Variants in BCAS1 observed in about 807,000 individuals in gnomAD.
BCAS1 encodes the protein breast carcinoma-amplified sequence 1.
BCAS1 carries 46 observed loss-of-function variants against 65.4 expected under a neutral mutation model. That is an observed-to-expected ratio of 0.70 (90% CI 0.55 to 0.90). BCAS1 has a LOEUF of 0.90. Ranked by LOEUF, BCAS1 falls within the 40% of genes least tolerant of loss-of-function variation. BCAS1 has a pLI of 0.00. For synonymous variants in BCAS1, 298 were observed against 293.5 expected (o/e 1.02, Z -0.16); for missense variants, 793 against 771.2 (o/e 1.03, Z -0.33).
chr20:53,975,370 C>T lies in BCAS1; in HGVS notation c.1317+19G>A, dbSNP rs769933562. Reference sequence around the variant, plus strand: ...GAAGATGAGAATGGAATGATTCTGCCGTGGTGTGTGTAACTTACATTCTCC... The same window carrying T: ...GAAGATGAGAATGGAATGATTCTGCTGTGGTGTGTGTAACTTACATTCTCC... On this transcript the variant is annotated intron_variant, in intron 9 of 12. Transcript: ENST00000688948. 99 of 1,605,906 alleles carry T rather than the reference C, an allele frequency of 6.2e-5. 1 individual carries two copies. The South Asian group carries it at 9.1e-4, about 15-fold the overall frequency.
intron 3 of BCAS1, among the ~76,000 whole-genome samples, chr20:54,047,891 T>C (rs528741454): frequency 2.0e-5 from 3 of 152,318 alleles, no homozygotes; most frequent in East Asian, 3.9e-4. Context: ...GTATGCCCTA[T>C]GTAAATGAAG....
chr20:53,957,311 T>C (rs1352665671), intron 11 of BCAS1, 121 bp downstream of exon 11: 4 of 858,536 alleles, frequency 4.7e-6, no homozygotes, highest in Non-Finnish European at 1.9e-6. Context: ...ATATAGTAGG[T>C]GCTTAATCCT....
At chr20:54,014,788 C>T (rs763258906) in intron 4 of BCAS1, among the ~76,000 whole-genome samples, 1 of 152,182 alleles carries the variant, frequency 6.6e-6, no homozygotes, top group African/African-American at 2.4e-5. Flanking sequence ...CACGCGAGCA[C>T]AGAGGGTTCG....
intron 4 of BCAS1, among the ~76,000 whole-genome samples, chr20:54,008,780 A>C (rs1461713147): frequency 6.6e-6 from 1 of 152,194 alleles, no homozygotes; most frequent in Admixed American, 6.5e-5. Context: ...AAATGAGATG[A>C]CAGAGATGCT....
intron 10 of BCAS1, among the ~76,000 whole-genome samples, chr20:53,961,651 G>T (rs1470164790): frequency 6.6e-6 from 1 of 152,160 alleles, no homozygotes; most frequent in African/African-American, 2.4e-5. Flanking sequence ...CATTACTAAA[G>T]AAATCACAAC....
At chr20:54,018,079 C>T (rs1221605705) in intron 4 of BCAS1, among the ~76,000 whole-genome samples, 1 of 152,120 alleles carries the variant, frequency 6.6e-6, no homozygotes, top group East Asian at 1.9e-4. Context: ...ATTGTTTGGC[C>T]CGTGCAAAGA....
intron 10 of BCAS1, among the ~76,000 whole-genome samples, chr20:53,964,494 T>C (rs1171433943): frequency 2.0e-5 from 3 of 152,224 alleles, no homozygotes; most frequent in South Asian, 2.1e-4. Flanking sequence ...CCCAGGCCTT[T>C]TCGTGGGCAA....
intron 11 of BCAS1, 106 bp from the exon 12 acceptor site, chr20:53,953,801 C>A: frequency 7.5e-7 from 1 of 1,330,814 alleles, no homozygotes; most frequent in South Asian, 1.5e-5. Flanking sequence ...TGGGTGGTAT[C>A]TACATTTTCA....
intron 3 of BCAS1, among the ~76,000 whole-genome samples, chr20:54,032,914 T>C (rs1294077816): frequency 6.6e-6 from 1 of 150,886 alleles, no homozygotes; most frequent in Non-Finnish European, 1.5e-5. Flanking sequence ...AGACAGATCA[T>C]TGAGACAGGA....
At chr20:53,958,518 G>T (rs560546406) in intron 10 of BCAS1, among the ~76,000 whole-genome samples, 1 of 152,190 alleles carries the variant, frequency 6.6e-6, no homozygotes, top group Non-Finnish European at 1.5e-5. Flanking sequence ...TTAGCAGACC[G>T]TAAGAATCCA....
At chr20:54,028,105 C>T (rs1320607387) in intron 4 of BCAS1, among the ~76,000 whole-genome samples, 1 of 152,214 alleles carries the variant, frequency 6.6e-6, no homozygotes, top group Non-Finnish European at 1.5e-5. Flanking sequence ...AACCTGTCTA[C>T]TTCCGCCTTT....
chr20:54,013,218 A>G (rs1484528981), intron 4 of BCAS1, among the ~76,000 whole-genome samples: 1 of 152,246 alleles, frequency 6.6e-6, no homozygotes, highest in Non-Finnish European at 1.5e-5. Context: ...TAAATAAAAG[A>G]TGTAGGAAAA....
chr20:53,972,008 TTTTC>T (rs2090192263), intron 9 of BCAS1, among the ~76,000 whole-genome samples: 1 of 152,248 alleles, frequency 6.6e-6, no homozygotes, highest in African/African-American at 2.4e-5. Flanking sequence ...AAATCCTTAT[TTTTC>T]TTTCTGTGAG....
At chr20:54,067,067 T>G (rs1168333292) in intron 1 of BCAS1, among the ~76,000 whole-genome samples, 1 of 152,180 alleles carries the variant, frequency 6.6e-6, no homozygotes, top group Non-Finnish European at 1.5e-5. Flanking sequence ...AAGGAATATA[T>G]ATGGTACAAT....
At chr20:54,043,638 T>C (rs577245092) in intron 3 of BCAS1, among the ~76,000 whole-genome samples, 74 of 152,178 alleles carry the variant, frequency 4.9e-4, no homozygotes, top group Non-Finnish European at 9.7e-4. Flanking sequence ...AGTTCTTACA[T>C]GGTCCTCAGA....
Position 54,041,908 on chromosome 20 carries a change from C to CAAAAAAAAAAAAA in BCAS1, c.143-12937_143-12936insTTTTTTTTTTTTT, listed in dbSNP as rs1391284796. ...AGTTCAGAGTGAGACTCTGTCTCCC[C>CAAAAAAAAAAAAA]CAAAAAAAAAAAAAAAAAAAAAAGA... On this transcript the variant is annotated intron_variant, in intron 3 of 12. Transcript: ENST00000688948. 5.5e-3 allele frequency among the ~76,000 whole-genome samples: 371 copies of CAAAAAAAAAAAAA among 67,210 alleles called. 69 individuals carry two copies. Among genetic ancestry groups the CAAAAAAAAAAAAA allele is most frequent in the African/African-American group, 9.1e-3 (169 of 18,588 alleles). The allele number at this position is 67,210 out of a possible 152,430, so 44.1% of individuals were successfully genotyped here.
At chr20:54,019,633 C>T (rs183134324) in intron 4 of BCAS1, among the ~76,000 whole-genome samples, 1 of 152,274 alleles carries the variant, frequency 6.6e-6, no homozygotes, top group Non-Finnish European at 1.5e-5. Context: ...AGAAGACCCA[C>T]CCTCAATGTG....
intron 8 of BCAS1, among the ~76,000 whole-genome samples, chr20:53,980,655 G>C (rs542487208): frequency 7.9e-5 from 12 of 152,322 alleles, no homozygotes; most frequent in African/African-American, 2.6e-4. Context: ...TTTGGGGCTT[G>C]AGGTGTGTCT....
intron 4 of BCAS1, among the ~76,000 whole-genome samples, chr20:53,996,806 T>C (rs1326704164): frequency 6.6e-6 from 1 of 152,194 alleles, no homozygotes; most frequent in Non-Finnish European, 1.5e-5. Context: ...CTGACAGCTC[T>C]TGGAGTCAAG....
Sources: allele counts gnomAD v4.1 joint callset (sites outside exome capture counted in the v4.1 genomes callset), GRCh38; gene constraint gnomAD v4.1.1; transcripts MANE v1.5; gene names NCBI Gene and HGNC (gene_info 2026-07-23, HGNC 2026-07-21).